Variants in SIN3A observed in about 807,000 individuals in gnomAD.
The protein encoded by SIN3A is paired amphipathic helix protein Sin3a.
A neutral mutation model predicts 146.1 loss-of-function variants in SIN3A; 14 were observed. The ratio of observed to expected loss-of-function variants is 0.10; its 90% CI spans 0.06 to 0.15. SIN3A has a LOEUF of 0.15. Ranked by LOEUF, SIN3A falls within the 10% of genes least tolerant of loss-of-function variation. SIN3A has a pLI of 1.00. For synonymous variants in SIN3A, 572 were observed against 572.0 expected (o/e 1.00, Z 0.00); for missense variants, 1,028 against 1,576.0 (o/e 0.65, Z 5.89).
At chr15:75,380,899 A>T in intron 18 of SIN3A, 176 bp from the exon 19 acceptor site, 1 of 553,950 alleles carries the variant, frequency 1.8e-6, no homozygotes, top group Non-Finnish European at 3.3e-6. Flanking sequence ...ACGGATTAAA[A>T]ATTCTGTTAG....
upstream of SIN3A, among the ~76,000 whole-genome samples, chr15:75,455,368 G>T (rs1471578384): frequency 5.9e-5 from 9 of 152,188 alleles, no homozygotes; most frequent in Non-Finnish European, 1.3e-4. Flanking sequence ...TCGGTGTGCG[G>T]AATCCCCCTT....
chr15:75,375,947 C>A, intron 19 of SIN3A, 75 bp from the exon 20 acceptor site: 1 of 1,425,822 alleles, frequency 7.0e-7, no homozygotes, highest in East Asian at 2.3e-5. Flanking sequence ...AGTGAGTTTT[C>A]TTTATTATAT....
chr15:75,388,556 A>T (rs923262289), intron 16 of SIN3A: 1 of 129,446 alleles, frequency 7.7e-6, no homozygotes, highest in South Asian at 2.5e-4. Context: ...CAGCACCTGA[A>T]GGAGTTAAGA....
intron 20 of SIN3A, 97 bp downstream of exon 20, chr15:75,375,568 T>C: frequency 1.1e-6 from 1 of 927,692 alleles, no homozygotes; most frequent in Non-Finnish European, 1.7e-6. Flanking sequence ...AGAACAGGTT[T>C]GCATAAACAA....
At position 75,380,716 on chromosome 15, in the gene SIN3A, G is replaced by C; in HGVS notation, c.3296C>G (p.Ser1099Ter). 6.2e-7 allele frequency: 1 copy of C among 1,613,546 alleles called. No homozygotes were observed. The change falls in exon 19 of 21, where the codon TCA becomes TGA. Residue 1099 changes from serine (S) to a stop codon, truncating the protein, a stop_gained. Coordinates refer to ENST00000394947, the MANE Select transcript of SIN3A (RefSeq NM_001145358.2). LOFTEE classifies it high-confidence loss of function. ...ATTCATGTATCGCTCCACGTAGTCT[G>C]ACCAGCGCTAAGATGGCAAACACAA... is the stretch of plus-strand genomic sequence containing the variant. ...SDDPVEAERWSDYVERYMNSD... is the reference protein window; with the variant it reads ...SDDPVEAERW
At chr15:75,399,361 T>TG (rs1416257672) in intron 12 of SIN3A, among the ~76,000 whole-genome samples, 1 of 151,998 alleles carries the variant, frequency 6.6e-6, no homozygotes, top group African/African-American at 2.4e-5. Flanking sequence ...ACTCCGTCTC[T>TG]AATAAAAATA....
chr15:75,405,337 G>C (rs946738839), intron 9 of SIN3A, among the ~76,000 whole-genome samples: 1 of 149,422 alleles, frequency 6.7e-6, no homozygotes, highest in African/African-American at 2.5e-5. Flanking sequence ...CTTCACTCCA[G>C]CCTGGGCAAC....
intron 19 of SIN3A, among the ~76,000 whole-genome samples, chr15:75,377,639 A>G (rs2072887773): frequency 6.6e-6 from 1 of 151,340 alleles, no homozygotes; most frequent in African/African-American, 2.4e-5. Context: ...AAAAAAAAAG[A>G]AAAAAAAAGT....
chr15:75,418,041 TA>T (rs910682852), intron 3 of SIN3A, among the ~76,000 whole-genome samples: 3 of 152,008 alleles, frequency 2.0e-5, no homozygotes, highest in Admixed American at 6.5e-5. Context: ...TTATTATTAT[TA>T]TTTTTTTAGA....
chr15:75,394,918 G>A, intron 13 of SIN3A, 55 bp from the exon 14 acceptor site: 3 of 1,524,010 alleles, frequency 2.0e-6, no homozygotes, highest in Non-Finnish European at 2.7e-6. Flanking sequence ...GGGTTTAGAA[G>A]AAAGAAATTT....
chr15:75,378,604 T>G (rs553048232), intron 19 of SIN3A, among the ~76,000 whole-genome samples: 47 of 152,134 alleles, frequency 3.1e-4, no homozygotes, highest in Non-Finnish European at 6.0e-4. Context: ...ACTGGTAGTT[T>G]TGTTGTCATA....
chr15:75,433,562 T>C lies in SIN3A; in HGVS notation c.-33-3154A>G, dbSNP rs541264765. On this transcript the variant is annotated intron_variant, in intron 1 of 20. Coordinates refer to ENST00000394947, the MANE Select transcript of SIN3A (RefSeq NM_001145358.2). ...AACCATACTTTATTCCTTTAACAAT[T>C]ACCACTCATAGGCCGGGCGTGGTGG... 1.1e-4 allele frequency among the ~76,000 whole-genome samples: 16 copies of C among 152,204 alleles called. No individual in the cohort carries two copies. The South Asian group carries it at 3.3e-3, about 32-fold the overall frequency.
At chr15:75,403,789 AC>A (rs1179245420) in intron 9 of SIN3A, among the ~76,000 whole-genome samples, 7 of 151,910 alleles carry the variant, frequency 4.6e-5, no homozygotes, top group African/African-American at 1.7e-4. Context: ...CAGGTGATCC[AC>A]CCACCTCGGC....
chr15:75,423,149 G>A (rs1444764999), intron 2 of SIN3A, among the ~76,000 whole-genome samples: 2 of 151,916 alleles, frequency 1.3e-5, no homozygotes, highest in Non-Finnish European at 2.9e-5. Context: ...ATGGCAACAT[G>A]CACCTGTGGT....
chr15:75,418,921 A>G (rs1005058813), intron 3 of SIN3A, among the ~76,000 whole-genome samples: 2 of 151,084 alleles, frequency 1.3e-5, no homozygotes, highest in Admixed American at 6.6e-5. Flanking sequence ...CGGCCGGCTA[A>G]TTTTTTTTTC....
rs1336762712 is a variant in SIN3A, at chr15:75,402,046, GC to G, written c.1408-77del. ...GAACTGAAAAGGGCCTCGCTCTGTC[GC>G]CCAGGAGGAGGCGCAGTTGTGTAAT... On this transcript the variant is annotated intron_variant, in intron 9 of 20. Coordinates refer to ENST00000394947, the MANE Select transcript of SIN3A (RefSeq NM_001145358.2). 4 of 906,552 alleles carry G rather than the reference GC, an allele frequency of 4.4e-6. No homozygotes were observed. The African/African-American group carries it at 6.6e-5, about 15-fold the overall frequency. 56.2% of individuals were successfully genotyped at this position (906,552 alleles called of 1,614,324 possible).
At chr15:75,378,547 A>C (rs1045209293) in intron 19 of SIN3A, among the ~76,000 whole-genome samples, 6 of 152,194 alleles carry the variant, frequency 3.9e-5, no homozygotes, top group African/African-American at 1.4e-4. Flanking sequence ...CTGGGCAACA[A>C]GAGCGAAATT....
At chr15:75,398,204 C>A (rs778249609) in intron 12 of SIN3A, among the ~76,000 whole-genome samples, 1 of 152,194 alleles carries the variant, frequency 6.6e-6, no homozygotes, top group Admixed American at 6.5e-5. Flanking sequence ...GGATACGTAT[C>A]ATTTTACATC....
At chr15:75,427,584 T>G (rs2073947015) in intron 2 of SIN3A, among the ~76,000 whole-genome samples, 1 of 148,916 alleles carries the variant, frequency 6.7e-6, no homozygotes, top group East Asian at 2.0e-4. Flanking sequence ...CGCTTCAACC[T>G]AGAAGGCAGA....
Sources: allele counts gnomAD v4.1 joint callset (sites outside exome capture counted in the v4.1 genomes callset), GRCh38; gene constraint gnomAD v4.1.1; transcripts MANE v1.5; gene names NCBI Gene and HGNC (gene_info 2026-07-23, HGNC 2026-07-21).